SLIT3: variants seen among roughly 807,000 people sequenced by gnomAD.
The protein encoded by SLIT3 is slit homolog 3 protein.
Under a neutral mutation model 184.0 loss-of-function variants are expected in SLIT3, and 68 were observed. The observed-to-expected ratio is 0.37, with a 90% CI of 0.30 to 0.45. The LOEUF (loss-of-function observed/expected upper bound fraction) is 0.45, where lower values mean the gene tolerates loss of function less well. Among genes scored for constraint, SLIT3 ranks in the 20% least tolerant of loss-of-function variants. SLIT3 has a pLI of 1.00. For synonymous variants in SLIT3, 831 were observed against 828.6 expected (o/e 1.00, Z -0.05); for missense variants, 1,707 against 2,026.0 (o/e 0.84, Z 3.02).
At chr5:168,674,693 T>C (rs529414164) in intron 32 of SLIT3, among the ~76,000 whole-genome samples, 21 of 152,040 alleles carry the variant, frequency 1.4e-4, no homozygotes, top group Middle Eastern at 3.4e-3. Context: ...GTTTTCACCA[T>C]GTTGGCCAGG....
chr5:168,923,629 G>T (rs1761711594), intron 4 of SLIT3, among the ~76,000 whole-genome samples: 1 of 150,336 alleles, frequency 6.7e-6, no homozygotes, highest in Non-Finnish European at 1.5e-5. Context: ...CAATTCTCCT[G>T]CCTCGGCCTC....
chr5:168,968,846 G>A (rs1258021507), intron 4 of SLIT3, among the ~76,000 whole-genome samples: 7 of 152,106 alleles, frequency 4.6e-5, no homozygotes, highest in African/African-American at 7.2e-5. Context: ...CTTTCTAGCC[G>A]TGTGACCTTG....
chr5:168,984,539 C>T (rs1418261890), intron 4 of SLIT3, among the ~76,000 whole-genome samples: 2 of 152,136 alleles, frequency 1.3e-5, no homozygotes, highest in African/African-American at 4.8e-5. Flanking sequence ...AGACCAACAA[C>T]AGGGGAAAGC....
chr5:169,271,486 C>T (rs1239554921), intron 1 of SLIT3, among the ~76,000 whole-genome samples: 2 of 152,216 alleles, frequency 1.3e-5, no homozygotes, highest in African/African-American at 2.4e-5. Flanking sequence ...TTTGTTTACT[C>T]TGACGTGGCC....
intron 4 of SLIT3, among the ~76,000 whole-genome samples, chr5:168,972,462 C>T (rs578047332): frequency 1.3e-5 from 2 of 151,094 alleles, no homozygotes; most frequent in South Asian, 2.1e-4. Context: ...CCTAGGATTG[C>T]TTTAGGGCCA....
At chr5:169,089,925 A>C (rs937316500) in intron 4 of SLIT3, among the ~76,000 whole-genome samples, 1 of 152,166 alleles carries the variant, frequency 6.6e-6, no homozygotes, top group African/African-American at 2.4e-5. Context: ...ACATCCTTGA[A>C]TCTCAGCTTG....
intron 24 of SLIT3, 144 bp from the exon 25 acceptor site, chr5:168,711,202 G>T: frequency 1.5e-6 from 1 of 667,028 alleles, no homozygotes. Flanking sequence ...CGTCTCCACT[G>T]TGGCAAAGTT....
At chr5:169,251,907 C>T (rs2113595581) in intron 1 of SLIT3, among the ~76,000 whole-genome samples, 1 of 152,266 alleles carries the variant, frequency 6.6e-6, no homozygotes, top group Non-Finnish European at 1.5e-5. Context: ...ACTGGGATTG[C>T]TAAGCTGTTC....
chr5:168,772,791 G>A lies in SLIT3; in HGVS notation c.1449C>T (p.Phe483=). ...KRISQIKSKK[F]RCSGSEDYRS... is the part of the protein sequence containing the mutation. The stretch of plus-strand genomic sequence containing the variant: ...CCGTAACCTGATTACCTGAGCAGCG[G>A]AACTTCTTGCTCTTGATCTGGCTGA... The change falls in exon 14 of 36, where the codon TTC becomes TTT. Residue 483 remains phenylalanine, a synonymous_variant. Transcript: ENST00000519560. The A allele has an allele frequency of 6.2e-7, 1 of 1,614,176 alleles. No individual in the cohort carries two copies. The highest frequency in any genetic ancestry group is 8.5e-7 in the Non-Finnish European group (1 of 1,180,046).
chr5:169,099,620 G>A (rs1759931467), intron 4 of SLIT3, among the ~76,000 whole-genome samples: 2 of 152,198 alleles, frequency 1.3e-5, no homozygotes, highest in South Asian at 4.1e-4. Context: ...TAGTCACACA[G>A]CTATTAGGGG....
intron 4 of SLIT3, among the ~76,000 whole-genome samples, chr5:169,032,079 G>T (rs1407231051): frequency 6.6e-6 from 1 of 152,072 alleles, no homozygotes; most frequent in Admixed American, 6.5e-5. Flanking sequence ...AACCCCTCTG[G>T]CCCTCATTTT....
chr5:168,692,102 G>A (rs1234333894), intron 29 of SLIT3, among the ~76,000 whole-genome samples: 1 of 152,154 alleles, frequency 6.6e-6, no homozygotes, highest in Non-Finnish European at 1.5e-5. Flanking sequence ...CCATGCTGCT[G>A]GACCACAGTG....
intron 4 of SLIT3, among the ~76,000 whole-genome samples, chr5:168,991,944 T>C (rs1029498724): frequency 6.6e-6 from 1 of 152,256 alleles, no homozygotes; most frequent in Admixed American, 6.5e-5. Flanking sequence ...AGAGGCCCCC[T>C]GACTGGCAGG....
chr5:169,076,250 G>A (rs776575884), intron 4 of SLIT3, among the ~76,000 whole-genome samples: 8 of 152,332 alleles, frequency 5.3e-5, no homozygotes, highest in Admixed American at 1.3e-4. Context: ...CAAAAGCCAA[G>A]GAATTGAGGG....
chr5:169,102,894 C>A (rs1200382997), intron 4 of SLIT3, among the ~76,000 whole-genome samples: 1 of 152,216 alleles, frequency 6.6e-6, no homozygotes, highest in African/African-American at 2.4e-5. Context: ...AGCTGACATA[C>A]AAATCACAAG....
intron 3 of SLIT3, among the ~76,000 whole-genome samples, chr5:169,234,371 T>C (rs1162306678): frequency 2.6e-5 from 4 of 152,302 alleles, no homozygotes; most frequent in Admixed American, 6.5e-5. Flanking sequence ...GTCTGTCCTA[T>C]ACCAATGTCT....
chr5:168,773,028 G>C, intron 13 of SLIT3, 84 bp from the exon 14 acceptor site: 1 of 1,384,240 alleles, frequency 7.2e-7, no homozygotes, highest in Non-Finnish European at 9.8e-7. Context: ...GCTGGGCCCT[G>C]GCAATCCACT....
chr5:168,698,694 C>G (rs1762129679), intron 27 of SLIT3, among the ~76,000 whole-genome samples: 1 of 152,148 alleles, frequency 6.6e-6, no homozygotes, highest in Non-Finnish European at 1.5e-5. Context: ...TCCTGACAAG[C>G]ACCACTCCCC....
intron 25 of SLIT3, among the ~76,000 whole-genome samples, chr5:168,708,963 A>G (rs1364017027): frequency 1.3e-5 from 2 of 152,178 alleles, no homozygotes; most frequent in Non-Finnish European, 1.5e-5. Context: ...GAAGAGGAAG[A>G]CTATCTGTCT....
Sources: allele counts gnomAD v4.1 joint callset (sites outside exome capture counted in the v4.1 genomes callset), GRCh38; gene constraint gnomAD v4.1.1; transcripts MANE v1.5; gene names NCBI Gene and HGNC (gene_info 2026-07-23, HGNC 2026-07-21).